The following UBR7 variants were observed in gnomAD, a reference collection of about 807,000 sequenced individuals.
UBR7 encodes the protein ubiquitin protein ligase E3 component n-recognin 7.
A neutral mutation model predicts 57.0 loss-of-function variants in UBR7; 22 were observed. The observed-to-expected ratio is 0.39, with a 90% CI of 0.28 to 0.55. UBR7 has a LOEUF of 0.55. Among genes scored for constraint, UBR7 ranks in the 20% least tolerant of loss-of-function variants. UBR7 has a pLI of 0.69. For missense variants in UBR7, 395 were observed against 513.2 expected, an observed-to-expected ratio of 0.77 and a Z score of 2.23; for synonymous variants, 167 against 179.8, an observed-to-expected ratio of 0.93 and a Z score of 0.57.
At chr14:93,210,820 T>A in intron 3 of UBR7, 112 bp downstream of exon 3, 1 of 906,756 alleles carries the variant, frequency 1.1e-6, no homozygotes, top group Non-Finnish European at 1.7e-6. Context: ...TTCTTATGCT[T>A]ATTCTTTGCA....
chr14:93,219,006 G>A (rs1299362832), intron 7 of UBR7, among the ~76,000 whole-genome samples: 2 of 151,392 alleles, frequency 1.3e-5, no homozygotes, highest in African/African-American at 4.9e-5. Context: ...AGTGATCCGA[G>A]ATCATGCCAC....
At chr14:93,220,505 CAAAG>C (rs1234098398) in intron 9 of UBR7, 94 bp downstream of exon 9, 2 of 1,454,002 alleles carry the variant, frequency 1.4e-6, no homozygotes, top group Non-Finnish European at 1.9e-6. Flanking sequence ...TAATTTAATA[CAAAG>C]AATTAAAATT....
intron 4 of UBR7, 97 bp downstream of exon 4, chr14:93,212,224 G>C (rs1211796984): frequency 1.4e-5 from 12 of 860,334 alleles, no homozygotes; most frequent in Non-Finnish European, 2.1e-5. Flanking sequence ...TCAAGAGGCA[G>C]TGTGGGATGG....
chr14:93,215,766 A>G (rs766981193), intron 6 of UBR7, among the ~76,000 whole-genome samples: 1 of 152,178 alleles, frequency 6.6e-6, no homozygotes, highest in Non-Finnish European at 1.5e-5. Flanking sequence ...ATACTACCAA[A>G]AACAAATTTA....
intron 8 of UBR7, 91 bp downstream of exon 8, chr14:93,219,452 C>A: frequency 6.6e-7 from 1 of 1,513,078 alleles, no homozygotes; most frequent in Non-Finnish European, 9.1e-7. Context: ...AATTTTTGTA[C>A]CAGAGGAAGA....
Position 93,220,429 on chromosome 14 carries a change from G to A in UBR7, c.1123+18G>A. On this transcript the variant is annotated intron_variant, in intron 9 of 10. Coordinates refer to ENST00000013070, the MANE Select transcript of UBR7 (RefSeq NM_175748.4). Reference sequence around the variant, plus strand: ...CATTTGTGGTAAATACTGTGTGTGTGTGAAAATTCATCATTTCCTTCACTA... The same window carrying A: ...CATTTGTGGTAAATACTGTGTGTGTATGAAAATTCATCATTTCCTTCACTA... 6.2e-7 allele frequency: 1 copy of A among 1,613,846 alleles called. No individual in the cohort carries two copies. Among genetic ancestry groups the A allele is most frequent in the Non-Finnish European group, 8.5e-7 (1 of 1,179,894 alleles).
At chr14:93,224,142 C>T (rs1050400019) in intron 10 of UBR7, 24 of 681,788 alleles carry the variant, frequency 3.5e-5, no homozygotes, top group Non-Finnish European at 5.2e-5. Context: ...GCCTTCATGG[C>T]GTCCTCTCCG....
rs1191894212 is a variant in UBR7 at position 93,228,935 on chromosome 14, G to T, written c.*1900G>T. On this transcript the variant is annotated 3_prime_UTR_variant, in exon 11 of 11. Transcript: ENST00000013070. ...GCGCTGAAGGGCTTGTTTTATGAAAGGTACTATTCCTTCTTTCACATTAAC... is the reference window on the plus strand; with the variant it reads ...GCGCTGAAGGGCTTGTTTTATGAAATGTACTATTCCTTCTTTCACATTAAC... 2 of 453,998 alleles carry T rather than the reference G, an allele frequency of 4.4e-6. No homozygotes were observed. The highest frequency in any genetic ancestry group is 8.8e-6 in the Non-Finnish European group (2 of 226,776). The allele number at this position is 453,998 out of a possible 1,614,324, so 28.1% of individuals were successfully genotyped here. A position where few individuals can be genotyped will look rare whatever the true frequency, so the allele number is the denominator to read the frequency against.
chr14:93,222,656 T>G (rs1894733028), intron 10 of UBR7, among the ~76,000 whole-genome samples: 1 of 151,354 alleles, frequency 6.6e-6, no homozygotes, highest in African/African-American at 2.4e-5. Context: ...GGCAGGAGAC[T>G]CACTTGAACC....
At chr14:93,220,566 C>T (rs1050101018) in intron 9 of UBR7, among the ~76,000 whole-genome samples, 155 bp downstream of exon 9, 2 of 152,136 alleles carry the variant, frequency 1.3e-5, no homozygotes, top group Non-Finnish European at 2.9e-5. Context: ...GGGTATTCAG[C>T]TGCTTTTACC....
At chr14:93,216,235 A>G (rs1894588550) in intron 6 of UBR7, among the ~76,000 whole-genome samples, 2 of 152,162 alleles carry the variant, frequency 1.3e-5, no homozygotes, top group Admixed American at 1.3e-4. Flanking sequence ...CTGTAGAGAC[A>G]GTGTTTCACC....
intron 2 of UBR7, 25 bp downstream of exon 2, chr14:93,209,982 C>T: frequency 6.2e-7 from 1 of 1,612,696 alleles, no homozygotes; most frequent in Non-Finnish European, 8.5e-7. Flanking sequence ...GAGATTGTTA[C>T]TAAATGCTTT....
chr14:93,220,246 A>T lies in UBR7; in HGVS notation c.961-3A>T. 6.3e-7 allele frequency: 1 copy of T among 1,593,092 alleles called. No individual in the cohort carries two copies. ...TCTTTTTTTTTTTTTTTTTTCCCTA[A>T]AGAAAATGTATGGAGATCTAGATGT... is the stretch of plus-strand genomic sequence containing the variant. On this transcript the variant is annotated splice_region_variant and splice_polypyrimidine_tract_variant and intron_variant, in intron 8 of 10. Transcript: ENST00000013070.
At position 93,228,197 on chromosome 14, in the gene UBR7, T is replaced by C. The variant is rs1173764531; in HGVS notation, c.*1162T>C. The C allele has an allele frequency of 3.9e-6, 2 of 517,864 alleles. No homozygotes were observed. The highest frequency in any genetic ancestry group is 3.8e-5 in the African/African-American group (2 of 52,836). The allele number at this position is 517,864 out of a possible 1,614,324, so 32.1% of individuals were successfully genotyped here. On this transcript the variant is annotated 3_prime_UTR_variant, in exon 11 of 11. Coordinates refer to ENST00000013070, the MANE Select transcript of UBR7 (RefSeq NM_175748.4). The stretch of plus-strand genomic sequence containing the variant: ...CCTAACGACTATGAGATCTTTTTTT[T>C]GAAGATCCTCATGGAAGGTTGTACA...
chr14:93,219,830 C>T (rs902760064), intron 8 of UBR7, among the ~76,000 whole-genome samples: 1 of 152,192 alleles, frequency 6.6e-6, no homozygotes, highest in Non-Finnish European at 1.5e-5. Context: ...ACAAAATTAG[C>T]TGGGTGTGGT....
chr14:93,214,870 G>A, intron 4 of UBR7, 59 bp from the exon 5 acceptor site: 2 of 1,446,740 alleles, frequency 1.4e-6, no homozygotes, highest in Non-Finnish European at 1.9e-6. Context: ...CTGTGTGCCA[G>A]GTTATTTCCA....
intron 8 of UBR7, 32 bp downstream of exon 8, chr14:93,219,393 T>A (rs1238724872): frequency 2.5e-6 from 4 of 1,613,974 alleles, no homozygotes; most frequent in Middle Eastern, 3.3e-4. Flanking sequence ...AGTGTTAGCA[T>A]GTTTTGTGTA....
chr14:93,211,478 C>T (rs537919567), intron 3 of UBR7, among the ~76,000 whole-genome samples: 52 of 151,776 alleles, frequency 3.4e-4, no homozygotes, highest in Non-Finnish European at 5.2e-4. Flanking sequence ...ACCCAGGAGG[C>T]GGAGGTTGCA....
intron 10 of UBR7, among the ~76,000 whole-genome samples, chr14:93,226,394 T>A (rs929984504): frequency 6.6e-6 from 1 of 152,184 alleles, no homozygotes; most frequent in Non-Finnish European, 1.5e-5. Flanking sequence ...ACACCTGTAA[T>A]CCCAGCATTC....
Sources: gnomAD v4.1 joint callset for allele counts (sites outside exome capture counted in the v4.1 genomes callset) on GRCh38, gnomAD v4.1.1 for gene constraint, MANE v1.5 for transcripts, NCBI Gene and HGNC (gene_info 2026-07-23, HGNC 2026-07-21) for gene names.